The following AGAP1 variants were observed in gnomAD, a reference collection of about 807,000 sequenced individuals.
AGAP1 encodes the protein ArfGAP with GTPase domain, ankyrin repeat and PH domain 1.
AGAP1 carries 29 observed loss-of-function variants against 105.3 expected under a neutral mutation model. The ratio of observed to expected loss-of-function variants is 0.28; its 90% CI spans 0.21 to 0.38. AGAP1 has a LOEUF of 0.38. Ranked by LOEUF, AGAP1 falls within the 10% of genes least tolerant of loss-of-function variation. The pLI, the probability that AGAP1 is intolerant of heterozygous loss-of-function variation, is 1.00. For synonymous variants in AGAP1, 509 were observed against 485.9 expected (o/e 1.05, Z -0.63); for missense variants, 998 against 1,165.1 (o/e 0.86, Z 2.09).
intron 1 of AGAP1, among the ~76,000 whole-genome samples, chr2:235,704,639 C>T (rs1056291942): frequency 6.9e-6 from 1 of 145,554 alleles, no homozygotes; most frequent in Non-Finnish European, 1.5e-5. Context: ...AGCGAGACTC[C>T]GTCTCAAAAA....
chr2:235,955,297 T>C lies in AGAP1; in HGVS notation c.1484-13165T>C, dbSNP rs143153197. On this transcript the variant is annotated intron_variant, in intron 12 of 17. Coordinates refer to ENST00000304032, the MANE Select transcript of AGAP1 (RefSeq NM_001037131.3). ...GGCCATCCTGAGGAGCGGGGACCTC[T>C]CCATCAGCACGTGGGCAGGGTGGGA... Among the ~76,000 whole-genome samples, 472 of 152,170 alleles carry C rather than the reference T, an allele frequency of 3.1e-3. 3 individuals carry two copies. The highest frequency in any genetic ancestry group is 0.011 in the African/African-American group (440 of 41,516).
intron 1 of AGAP1, among the ~76,000 whole-genome samples, chr2:235,511,975 A>G (rs1028351365): frequency 1.1e-4 from 15 of 136,550 alleles, no homozygotes; most frequent in African/African-American, 4.2e-4. Context: ...GGTGATTGTG[A>G]GTGTGTGAAT....
At position 235,641,420 on chromosome 2, in the gene AGAP1, C is replaced by T. The variant is rs368730325; in HGVS notation, c.164-67759C>T. Among the ~76,000 whole-genome samples the T allele has an allele frequency of 5.3e-5, 8 of 149,712 alleles. 1 individual carries two copies. Among genetic ancestry groups the T allele is most frequent in the African/African-American group, 2.0e-4 (8 of 40,556 alleles). On this transcript the variant is annotated intron_variant, in intron 1 of 17. Transcript: ENST00000304032. ...TGTGATTTAAAAAGAAATGCCTCTC[C>T]TCTCCCCGACCCGATTTTTTTTTTT...
At chr2:235,808,883 AG>A (rs1957982006) in intron 9 of AGAP1, among the ~76,000 whole-genome samples, 2 of 152,176 alleles carry the variant, frequency 1.3e-5, no homozygotes, top group African/African-American at 2.4e-5. Context: ...CCGTGCACAT[AG>A]TTGCTTATTC....
intron 1 of AGAP1, among the ~76,000 whole-genome samples, chr2:235,643,457 A>AAAAAAAAAAAAAAAAAG (rs1553595203): frequency 1.9e-4 from 26 of 140,474 alleles, no homozygotes; most frequent in African/African-American, 5.4e-4. Context: ...AAAAAAAAAA[A>AAAAAAAAAAAAAAAAAG]AAAGAAAGAA....
At chr2:235,605,828 G>A (rs1351892614) in intron 1 of AGAP1, among the ~76,000 whole-genome samples, 1 of 152,222 alleles carries the variant, frequency 6.6e-6, no homozygotes, top group East Asian at 1.9e-4. Context: ...TATAGAGGAC[G>A]CGGTGTACGC....
Position 235,968,642 on chromosome 2 carries a change from C to T in AGAP1, c.1645+19C>T. ...GCTGAAGGTAAGGGTTCCGCGGTGC[C>T]CCGGGAGAGAGTCTCCACTGCGGAA... On this transcript the variant is annotated intron_variant, in intron 13 of 17. Transcript: ENST00000304032. The T allele has an allele frequency of 6.9e-6, 11 of 1,592,834 alleles. No individual in the cohort carries two copies. Among genetic ancestry groups the T allele is most frequent in the Non-Finnish European group, 9.4e-6 (11 of 1,173,918 alleles).
rs1399752697 is a variant in AGAP1 at position 235,902,230 on chromosome 2, G to C, written c.1156-6508G>C. ...TTACACAGATGTGTGGTTGGAAGAGGGAGGAATATTTCAACCCTCATTTCA... is the reference window on the plus strand; with the variant it reads ...TTACACAGATGTGTGGTTGGAAGAGCGAGGAATATTTCAACCCTCATTTCA... On this transcript the variant is annotated intron_variant, in intron 10 of 17. Transcript: ENST00000304032. Among the ~76,000 whole-genome samples the C allele has an allele frequency of 1.2e-4, 19 of 152,188 alleles. No individual in the cohort carries two copies. In the East Asian group the frequency reaches 3.5e-3, roughly 28 times the overall value.
intron 1 of AGAP1, among the ~76,000 whole-genome samples, chr2:235,616,414 A>G (rs1946309804): frequency 6.6e-6 from 1 of 152,180 alleles, no homozygotes; most frequent in South Asian, 2.1e-4. Context: ...TCAGTGTTAA[A>G]AACAAAGGCC....
chr2:235,929,737 A>G lies in AGAP1; in HGVS notation c.1325-1028A>G, dbSNP rs73996634. Among the ~76,000 whole-genome samples the G allele has an allele frequency of 8.2e-3, 1,247 of 152,264 alleles. 19 individuals carry two copies. Among genetic ancestry groups the G allele is most frequent in the African/African-American group, 0.028 (1,181 of 41,534 alleles). ...GAAAATGCATCTTTTCCCAAGCCCC[A>G]TTCCCAGAGCTTCTGAATCAAAATC... On this transcript the variant is annotated intron_variant, in intron 11 of 17. Coordinates refer to ENST00000304032, the MANE Select transcript of AGAP1 (RefSeq NM_001037131.3).
At chr2:235,896,397 G>A (rs939815505) in intron 10 of AGAP1, among the ~76,000 whole-genome samples, 1 of 152,226 alleles carries the variant, frequency 6.6e-6, no homozygotes, top group African/African-American at 2.4e-5. Context: ...TGCTAGGAAT[G>A]TGAGCATACA....
At position 235,875,114 on chromosome 2, in the gene AGAP1, C is replaced by T. The variant is rs758479578; in HGVS notation, c.1051-8231C>T. 1.3e-5 allele frequency among the ~76,000 whole-genome samples: 2 copies of T among 152,164 alleles called. No individual in the cohort carries two copies. The highest frequency in any genetic ancestry group is 2.9e-5 in the Non-Finnish European group (2 of 68,032). On this transcript the variant is annotated intron_variant, in intron 9 of 17. Transcript: ENST00000304032. The surrounding 1 kb of genome is among the most constrained non-coding windows in gnomAD (Gnocchi z 4.0). ...GAGAGCCCTGTCACCCCCTCTCCCC[C>T]ATCTGCCCTTGCTGCAAGGAGGAGG...
At chr2:236,091,208 G>C (rs932254278) in intron 16 of AGAP1, among the ~76,000 whole-genome samples, 1 of 152,184 alleles carries the variant, frequency 6.6e-6, no homozygotes, top group Non-Finnish European at 1.5e-5. Context: ...CTGTCTCTCT[G>C]TGCAGCAACT....
At chr2:236,030,742 C>A (rs778038718) in intron 13 of AGAP1, among the ~76,000 whole-genome samples, 4 of 152,136 alleles carry the variant, frequency 2.6e-5, no homozygotes, top group Admixed American at 6.5e-5. Context: ...GCCCCAGGAA[C>A]AAGGGAGAAA....
chr2:236,024,038 T>TGTTTTGTTTTTTG (rs200559230), intron 13 of AGAP1, among the ~76,000 whole-genome samples: 1 of 146,976 alleles, frequency 6.8e-6, no homozygotes, highest in Admixed American at 6.7e-5. Context: ...TTTTTTGTTT[T>TGTTTTGTTTTTTG]TTTTTTTTTT....
At chr2:235,529,744 A>G (rs979064077) in intron 1 of AGAP1, among the ~76,000 whole-genome samples, 1 of 152,192 alleles carries the variant, frequency 6.6e-6, no homozygotes, top group Non-Finnish European at 1.5e-5. Flanking sequence ...GAATTTTGGA[A>G]GTAGTGGCTG....
At chr2:235,604,722 A>G (rs890060130) in intron 1 of AGAP1, among the ~76,000 whole-genome samples, 33 of 150,926 alleles carry the variant, frequency 2.2e-4, no homozygotes, top group African/African-American at 7.5e-4. Flanking sequence ...AGCTGGGACT[A>G]CAGGCGCCCG....
chr2:235,632,301 AG>A (rs1254832226), intron 1 of AGAP1, among the ~76,000 whole-genome samples: 24 of 152,326 alleles, frequency 1.6e-4, no homozygotes, highest in African/African-American at 4.3e-4. Context: ...CAGGAGCTAA[AG>A]AAGTCAGTTT....
chr2:235,810,742 C>A (rs1958091158), intron 9 of AGAP1, among the ~76,000 whole-genome samples: 1 of 151,944 alleles, frequency 6.6e-6, no homozygotes, highest in South Asian at 2.1e-4. Flanking sequence ...ATTTTCTGGA[C>A]TATAACTTCA....
Sources: allele counts gnomAD v4.1 joint callset (sites outside exome capture counted in the v4.1 genomes callset), GRCh38; gene constraint gnomAD v4.1.1; non-coding constraint Gnocchi (gnomAD v3.1); transcripts MANE v1.5; gene names NCBI Gene and HGNC (gene_info 2026-07-23, HGNC 2026-07-21).